The following OLAH variants were observed in gnomAD, a reference collection of about 807,000 sequenced individuals.
OLAH encodes the protein S-acyl fatty acid synthase thioesterase, medium chain.
OLAH carries 33 observed loss-of-function variants against 27.8 expected under a neutral mutation model. The ratio of observed to expected loss-of-function variants is 1.19; its 90% CI spans 0.90 to 1.59. OLAH has a LOEUF of 1.59. Ranked by LOEUF, OLAH falls within the 40% of genes most tolerant of loss-of-function variation. OLAH has a pLI of 0.00. For missense variants in OLAH, 359 were observed against 310.8 expected, an observed-to-expected ratio of 1.16 and a Z score of -1.17; for synonymous variants, 120 against 102.9, an observed-to-expected ratio of 1.17 and a Z score of -1.01.
intron 6 of OLAH, among the ~76,000 whole-genome samples, chr10:15,067,716 T>C (rs929647536): frequency 6.6e-6 from 1 of 152,180 alleles, no homozygotes; most frequent in Non-Finnish European, 1.5e-5. Context: ...CTGCACCTTC[T>C]CCTTTTCAAT....
chr10:15,058,273 C>T (rs536326771), intron 3 of OLAH, among the ~76,000 whole-genome samples: 32 of 151,580 alleles, frequency 2.1e-4, no homozygotes, highest in African/African-American at 7.5e-4. Flanking sequence ...TTAAGTTTTT[C>T]GTGCACATGG....
chr10:15,043,585 C>T (rs1843960169), upstream of OLAH, among the ~76,000 whole-genome samples: 1 of 151,474 alleles, frequency 6.6e-6, no homozygotes, highest in South Asian at 2.1e-4. Context: ...AGTGATTCTC[C>T]TGCCTCAGCC....
intron 2 of OLAH, 36 bp downstream of exon 2, chr10:15,047,356 A>G (rs1300433627): frequency 6.2e-7 from 1 of 1,607,106 alleles, no homozygotes; most frequent in East Asian, 2.2e-5. Context: ...CTCTTCCTCC[A>G]TCCCAGGGGC....
At chr10:15,047,344 G>A (rs773978876) in intron 2 of OLAH, 24 bp downstream of exon 2, 1 of 1,612,146 alleles carries the variant, frequency 6.2e-7, no homozygotes, top group South Asian at 1.1e-5. Context: ...TGTGCCACCA[G>A]GCTCTTCCTC....
chr10:15,054,243 G>C (rs1199756592), intron 3 of OLAH, among the ~76,000 whole-genome samples: 1 of 152,040 alleles, frequency 6.6e-6, no homozygotes, highest in East Asian at 1.9e-4. Flanking sequence ...ATTTCACCAT[G>C]TTGGCCAGGC....
At chr10:15,043,054 G>A (rs765971477), upstream of OLAH, among the ~76,000 whole-genome samples, 1 of 151,752 alleles carries the variant, frequency 6.6e-6, no homozygotes, top group East Asian at 1.9e-4. Flanking sequence ...TAGAGATGGG[G>A]TTTCACCATG....
chr10:15,035,437 G>A (rs1030866016), intron 1 of OLAH, among the ~76,000 whole-genome samples: 2 of 152,128 alleles, frequency 1.3e-5, no homozygotes, highest in African/African-American at 2.4e-5. Flanking sequence ...ACTCATGGGG[G>A]AAGGGGAAGT....
At position 15,050,647 on chromosome 10, in the gene OLAH, T is replaced by C. The variant is rs571043183; in HGVS notation, c.163+882T>C. On this transcript the variant is annotated intron_variant, in intron 3 of 7. Transcript: ENST00000378228. ...AGCTCCGCTTCCGGGTTCACACCAT[T>C]CTCCTGCCTCAGCCTCCCAAGTAGC... Among the ~76,000 whole-genome samples the C allele has an allele frequency of 4.6e-5, 7 of 150,590 alleles. No individual in the cohort carries two copies. In the South Asian group the frequency reaches 1.5e-3, roughly 32 times the overall value.
Position 15,073,107 on chromosome 10 carries a change from G to A in OLAH, c.676G>A (p.Gly226Arg). ...TTCAGCCTGGAAAGATGTAACCAGT[G>A]GAAATGCTAAAATTTACCAGCTTCC... is the stretch of plus-strand genomic sequence containing the variant. ...DMEAWKDVTS[G>R]NAKIYQLPGG... The change falls in exon 8 of 8, where the codon GGA becomes AGA. Residue 226 changes from glycine (G) to arginine (R), a missense_variant. Coordinates refer to ENST00000378228, the MANE Select transcript of OLAH (RefSeq NM_001039702.3). 1 of 1,613,002 alleles carries A rather than the reference G, an allele frequency of 6.2e-7. No individual in the cohort carries two copies. Among genetic ancestry groups the A allele is most frequent in the Non-Finnish European group, 8.5e-7 (1 of 1,179,708 alleles).
chr10:15,072,902 G>C (rs539062233), intron 7 of OLAH, among the ~76,000 whole-genome samples, 185 bp from the exon 8 acceptor site: 1 of 152,082 alleles, frequency 6.6e-6, no homozygotes, highest in Non-Finnish European at 1.5e-5. Flanking sequence ...GGTGGTTTTT[G>C]ATTAAGGTAA....
chr10:15,035,036 G>C (rs747804788), intron 1 of OLAH, among the ~76,000 whole-genome samples: 77 of 152,126 alleles, frequency 5.1e-4, no homozygotes, highest in Non-Finnish European at 9.3e-4. Flanking sequence ...TCCTGACGTC[G>C]TGATCCGCCC....
At chr10:15,037,429 AAATT>A (rs2131326999) in intron 1 of OLAH, among the ~76,000 whole-genome samples, 1 of 152,144 alleles carries the variant, frequency 6.6e-6, no homozygotes, top group South Asian at 2.1e-4. Flanking sequence ...AAAAATACAA[AAATT>A]AGCCAGGCAT....
rs1246917432 is a variant in OLAH at position 15,073,399 on chromosome 10, A to T, written c.*170A>T. On this transcript the variant is annotated 3_prime_UTR_variant, in exon 8 of 8. Transcript: ENST00000378228. ...GGGGACAAAGGTCAAGCCAGTAAAG[A>T]ATACTTCTGGCAGCACTTTGGGAGG... The T allele has an allele frequency of 7.2e-6, 4 of 556,268 alleles. No homozygotes were observed. The highest frequency in any genetic ancestry group is 1.2e-5 in the Non-Finnish European group (4 of 325,664). The allele number at this position is 556,268 out of a possible 1,614,324, so 34.5% of individuals were successfully genotyped here. A position where few individuals can be genotyped will look rare whatever the true frequency, so the allele number is the denominator to read the frequency against.
intron 1 of OLAH, among the ~76,000 whole-genome samples, chr10:15,037,908 C>T (rs1271600385): frequency 5.3e-5 from 8 of 152,216 alleles, no homozygotes; most frequent in African/African-American, 9.6e-5. Flanking sequence ...ACACAAAGAG[C>T]CACAGGCCAG....
chr10:15,048,650 T>C (rs1238566481), intron 2 of OLAH, among the ~76,000 whole-genome samples: 1 of 152,244 alleles, frequency 6.6e-6, no homozygotes, highest in African/African-American at 2.4e-5. Flanking sequence ...AAGCTGCCCA[T>C]GAACGGTTTG....
At chr10:15,065,538 T>G in intron 5 of OLAH, 46 bp from the exon 6 acceptor site, 2 of 1,552,350 alleles carry the variant, frequency 1.3e-6, no homozygotes, top group Non-Finnish European at 1.7e-6. Flanking sequence ...ATGAGCCAAG[T>G]GTGTTATATG....
intron 5 of OLAH, among the ~76,000 whole-genome samples, chr10:15,064,726 T>C (rs1029007262): frequency 1.3e-5 from 2 of 152,194 alleles, no homozygotes; most frequent in South Asian, 2.1e-4. Context: ...GGCACGATCT[T>C]GTCTCACTGC....
At chr10:15,054,934 G>GT (rs1844217897) in intron 3 of OLAH, among the ~76,000 whole-genome samples, 1 of 151,844 alleles carries the variant, frequency 6.6e-6, no homozygotes. Context: ...GTGTTGTGCT[G>GT]TTTTTTTCTG....
chr10:15,059,127 C>A, intron 3 of OLAH, among the ~76,000 whole-genome samples: 1 of 58,784 alleles, frequency 1.7e-5, no homozygotes, highest in Admixed American at 1.4e-4. Flanking sequence ...CTCCCTCCCC[C>A]CTTCCCTCCC....
Sources: allele counts gnomAD v4.1 joint callset (sites outside exome capture counted in the v4.1 genomes callset), GRCh38; gene constraint gnomAD v4.1.1; transcripts MANE v1.5; gene names NCBI Gene and HGNC (gene_info 2026-07-23, HGNC 2026-07-21).